ACAD11: variants seen among roughly 807,000 people sequenced by gnomAD.
ACAD11 encodes the protein acyl-Coenzyme A dehydrogenase family, member 11.
In ACAD11, 83 loss-of-function variants were observed where a neutral mutation model predicts 102.2. That is an observed-to-expected ratio of 0.81 (90% CI 0.68 to 0.97). The LOEUF is 0.97. Ranked by LOEUF, ACAD11 falls within the 50% of genes least tolerant of loss-of-function variation. The probability of loss-of-function intolerance (pLI) is 0.00; values close to 1 mark genes in which losing one functional copy is unlikely to be tolerated. For synonymous variants in ACAD11, 324 were observed against 319.8 expected, an observed-to-expected ratio of 1.01 and a Z score of -0.14; for missense variants, 901 against 951.7, an observed-to-expected ratio of 0.95 and a Z score of 0.70.
intron 1 of ACAD11, among the ~76,000 whole-genome samples, chr3:132,656,862 T>A (rs1217347853): frequency 1.3e-5 from 2 of 150,358 alleles, no homozygotes; most frequent in Non-Finnish European, 3.0e-5. Flanking sequence ...TTTTTTTTTT[T>A]AATTTGCATT....
rs1461523357 is a variant in ACAD11 at position 132,630,246 on chromosome 3, C to T, written c.963+191G>A. Among the ~76,000 whole-genome samples the T allele has an allele frequency of 3.9e-5, 6 of 152,148 alleles. No individual in the cohort carries two copies. In the East Asian group the frequency reaches 9.6e-4, roughly 24 times the overall value. ...AAAAAACTGATAATACATTTTGCTA[C>T]TCAAATTTTTTCCTTGCCAAATTCC... On this transcript the variant is annotated intron_variant, in intron 7 of 19. Transcript: ENST00000264990.
intron 17 of ACAD11, among the ~76,000 whole-genome samples, chr3:132,563,340 A>G (rs943441315): frequency 6.6e-6 from 1 of 152,282 alleles, no homozygotes; most frequent in East Asian, 1.9e-4. Context: ...TATCTACAAA[A>G]TTGTCCTTTT....
rs114676399 is a variant in ACAD11, at chr3:132,604,459, T to C, written c.1522+639A>G. 6.2e-3 allele frequency among the ~76,000 whole-genome samples: 938 copies of C among 152,320 alleles called. 13 individuals carry two copies. The highest frequency in any genetic ancestry group is 0.022 in the African/African-American group (905 of 41,582). On this transcript the variant is annotated intron_variant, in intron 12 of 19. Transcript: ENST00000264990. ...AGAGGAGTACTGTATAAATGTATGC[T>C]ATGTTATACAAAACAATAAAATCTG...
chr3:132,610,801 G>T (rs2107836007), intron 11 of ACAD11, among the ~76,000 whole-genome samples: 1 of 152,264 alleles, frequency 6.6e-6, no homozygotes, highest in Non-Finnish European at 1.5e-5. Context: ...GGTAGAAGAA[G>T]GAGCTGGTAC....
chr3:132,630,837 G>C (rs188710159), intron 6 of ACAD11, among the ~76,000 whole-genome samples: 5 of 152,118 alleles, frequency 3.3e-5, no homozygotes, highest in Non-Finnish European at 7.4e-5. Flanking sequence ...AGCACTTTGC[G>C]GGGGCCGAGG....
intron 13 of ACAD11, among the ~76,000 whole-genome samples, chr3:132,587,982 A>G (rs1458192546): frequency 6.6e-5 from 10 of 152,056 alleles, no homozygotes. Flanking sequence ...CCCAGCAGTG[A>G]TGGTTGCCCT....
intron 13 of ACAD11, 145 bp from the exon 14 acceptor site, chr3:132,579,703 T>C: frequency 3.2e-6 from 2 of 633,596 alleles, no homozygotes; most frequent in Non-Finnish European, 5.4e-6. Flanking sequence ...AATAATTCTT[T>C]TGTAACACTC....
intron 1 of ACAD11, among the ~76,000 whole-genome samples, chr3:132,655,804 G>C (rs1436866902): frequency 2.0e-5 from 3 of 152,134 alleles, no homozygotes; most frequent in Non-Finnish European, 4.4e-5. Flanking sequence ...ATACATATTA[G>C]GCACTCAGCT....
intron 11 of ACAD11, among the ~76,000 whole-genome samples, chr3:132,606,274 A>T (rs1156493743): frequency 6.6e-6 from 1 of 152,228 alleles, no homozygotes; most frequent in Non-Finnish European, 1.5e-5. Flanking sequence ...AGCCAACATT[A>T]CATCAACATT....
intron 11 of ACAD11, among the ~76,000 whole-genome samples, chr3:132,613,341 C>T (rs571484208): frequency 4.0e-5 from 6 of 151,560 alleles, no homozygotes; most frequent in East Asian, 3.9e-4. Flanking sequence ...TAAACCTGCA[C>T]GTTGTAGACA....
intron 13 of ACAD11, among the ~76,000 whole-genome samples, chr3:132,591,237 C>T (rs1019428280): frequency 3.9e-5 from 6 of 152,144 alleles, no homozygotes; most frequent in African/African-American, 1.4e-4. Context: ...AGCCAGTTAT[C>T]CCAGCACTAT....
At chr3:132,575,713 G>C (rs1937512409) in intron 17 of ACAD11, 59 bp downstream of exon 17, 3 of 1,585,682 alleles carry the variant, frequency 1.9e-6, no homozygotes, top group Admixed American at 3.4e-5. Flanking sequence ...TAATGTTTTT[G>C]TTCAATGTTA....
intron 13 of ACAD11, among the ~76,000 whole-genome samples, chr3:132,591,592 A>C (rs2107808305): frequency 6.6e-6 from 1 of 152,252 alleles, no homozygotes; most frequent in East Asian, 1.9e-4. Flanking sequence ...CATTCTTTCT[A>C]TCATTTAAAA....
At chr3:132,610,727 A>G (rs529276207) in intron 11 of ACAD11, among the ~76,000 whole-genome samples, 1 of 152,342 alleles carries the variant, frequency 6.6e-6, no homozygotes, top group East Asian at 1.9e-4. Context: ...TGAGGCAATA[A>G]TTAATAACCT....
intron 13 of ACAD11, among the ~76,000 whole-genome samples, chr3:132,588,075 T>C (rs1937919626): frequency 6.6e-6 from 1 of 152,162 alleles, no homozygotes; most frequent in South Asian, 2.1e-4. Context: ...CACTGTTTCC[T>C]CAGGCTAAAG....
chr3:132,621,518 G>C (rs556682348), intron 9 of ACAD11, among the ~76,000 whole-genome samples: 1 of 152,158 alleles, frequency 6.6e-6, no homozygotes, highest in South Asian at 2.1e-4. Context: ...TAAAGTCATT[G>C]CCACCTCTCC....
chr3:132,645,458 A>G (rs1325464031), intron 1 of ACAD11, among the ~76,000 whole-genome samples: 6 of 152,198 alleles, frequency 3.9e-5, no homozygotes, highest in Non-Finnish European at 8.8e-5. Context: ...CACAGACACC[A>G]GGGCATTGAC....
In ACAD11 at chr3:132,558,704, G is replaced by A. The variant is rs1559926435; in HGVS notation, c.*267C>T. On this transcript the variant is annotated 3_prime_UTR_variant, in exon 20 of 20. Transcript: ENST00000264990. ...TTTGTAGCAATGGGGGTCTCGCTAT[G>A]TTGCCCAGGCTGGTCCTGAACTCCT... 6.2e-5 allele frequency: 22 copies of A among 354,904 alleles called. No individual in the cohort carries two copies. In the East Asian group the frequency reaches 1.2e-3, roughly 20 times the overall value. 22.0% of individuals were successfully genotyped at this position (354,904 alleles called of 1,614,324 possible).
intron 5 of ACAD11, 137 bp downstream of exon 5, chr3:132,639,355 G>A: frequency 4.2e-6 from 3 of 710,990 alleles, no homozygotes. Context: ...TAAAAATTTT[G>A]AGTGGTGACG....
Sources: gnomAD v4.1 joint callset for allele counts (sites outside exome capture counted in the v4.1 genomes callset) on GRCh38, gnomAD v4.1.1 for gene constraint, MANE v1.5 for transcripts, NCBI Gene and HGNC (gene_info 2026-07-23, HGNC 2026-07-21) for gene names.